Variants in PPP2R5C observed in about 807,000 individuals in gnomAD.
PPP2R5C encodes protein phosphatase 2 regulatory subunit B'gamma.
In PPP2R5C, 7 loss-of-function variants were observed where a neutral mutation model predicts 68.9. That is an observed-to-expected ratio of 0.10 (90% CI 0.06 to 0.19). The LOEUF (loss-of-function observed/expected upper bound fraction) is 0.19. PPP2R5C is among the 10% of genes least tolerant of loss of function. PPP2R5C has a pLI of 1.00. For missense variants in PPP2R5C, 348 were observed against 641.3 expected, an observed-to-expected ratio of 0.54 and a Z score of 4.94; for synonymous variants, 210 against 222.2, an observed-to-expected ratio of 0.95 and a Z score of 0.49.
intron 1 of PPP2R5C, among the ~76,000 whole-genome samples, chr14:101,837,700 C>T (rs1475820541): frequency 2.0e-5 from 3 of 152,162 alleles, no homozygotes; most frequent in Admixed American, 6.5e-5. Flanking sequence ...ACCTCTAGAA[C>T]ACGAGCACTA....
chr14:101,901,847 C>T, exon 9 of PPP2R5C: 1 of 1,614,236 alleles, frequency 6.2e-7, no homozygotes, highest in Admixed American at 1.7e-5. Flanking sequence ...TGGAACCCCT[C>T]TTCCGGCAGT....
At chr14:101,914,206 G>A (rs1231558376) in intron 12 of PPP2R5C, 1 of 456,018 alleles carries the variant, frequency 2.2e-6, no homozygotes, top group Non-Finnish European at 4.4e-6. Context: ...GAGCTTTGAC[G>A]AACTGTGATG....
chr14:101,761,122 C>T (rs968707460), upstream of PPP2R5C, among the ~76,000 whole-genome samples: 2 of 151,048 alleles, frequency 1.3e-5, no homozygotes, highest in African/African-American at 2.4e-5. Flanking sequence ...CAGCGGTGTC[C>T]CGCGAAACTG....
intron 3 of PPP2R5C, among the ~76,000 whole-genome samples, chr14:101,791,892 AT>A (rs540216113): frequency 2.6e-4 from 39 of 152,062 alleles, no homozygotes; most frequent in Middle Eastern, 3.4e-3. Context: ...TGTGTACCTG[AT>A]TTTTTTTATT....
chr14:101,809,218 C>T (rs2039205536), upstream of PPP2R5C, among the ~76,000 whole-genome samples: 2 of 151,792 alleles, frequency 1.3e-5, no homozygotes, highest in Admixed American at 6.6e-5. Context: ...ATTTATAAAG[C>T]GGCTTTCATT....
intron 2 of PPP2R5C, among the ~76,000 whole-genome samples, chr14:101,780,297 G>A (rs962825891): frequency 2.0e-5 from 3 of 152,078 alleles, no homozygotes; most frequent in African/African-American, 4.8e-5. Context: ...TCCAAATCAG[G>A]TACACACATT....
exon 9 of PPP2R5C, chr14:101,901,721 G>A: frequency 6.2e-7 from 1 of 1,613,108 alleles, no homozygotes; most frequent in Non-Finnish European, 8.5e-7. Context: ...TTTTGTAGGT[G>A]GTGATGGCAC....
chr14:101,845,896 G>T (rs147832878), intron 1 of PPP2R5C, among the ~76,000 whole-genome samples: 1 of 152,320 alleles, frequency 6.6e-6, no homozygotes, highest in East Asian at 1.9e-4. Flanking sequence ...ATCCAAACAT[G>T]TAAACGAGTG....
In PPP2R5C at chr14:101,797,269, C is replaced by T. The variant is rs1566845893; in HGVS notation, c.259+11086C>T. ...GCTCCCGTCGAAGGCTGATGCCATC[C>T]TTCAGTGATGTGTGGACGGACACAT... On this transcript the variant is annotated intron_variant, in intron 3 of 14. Transcript: ENST00000328724. The surrounding 1 kb of genome is among the most constrained non-coding windows in gnomAD (Gnocchi z 4.2). The T allele has an allele frequency of 4.4e-6, 2 of 455,994 alleles. No individual in the cohort carries two copies. Among genetic ancestry groups the T allele is most frequent in the Non-Finnish European group, 8.8e-6 (2 of 226,820 alleles). The allele number at this position is 455,994 out of a possible 1,614,324, so 28.2% of individuals were successfully genotyped here. A position where few individuals can be genotyped will look rare whatever the true frequency, so the allele number is the denominator to read the frequency against.
chr14:101,905,942 A>G (rs754084650), intron 9 of PPP2R5C, among the ~76,000 whole-genome samples: 2 of 152,158 alleles, frequency 1.3e-5, no homozygotes, highest in Non-Finnish European at 1.5e-5. Flanking sequence ...TATCGTTTCT[A>G]GTAAATTAAT....
intron 10 of PPP2R5C, 55 bp from the exon 13 acceptor site, chr14:101,909,534 C>T (rs2046269068): frequency 3.2e-6 from 4 of 1,258,116 alleles, no homozygotes; most frequent in Admixed American, 1.7e-5. Flanking sequence ...AGTGGAGAGG[C>T]GAGGGCTCAG....
Position 101,797,271 on chromosome 14 carries a change from T to C in PPP2R5C, c.259+11088T>C, listed in dbSNP as rs1481535397. The C allele has an allele frequency of 1.8e-5, 8 of 455,974 alleles. 1 individual carries two copies. The highest frequency in any genetic ancestry group is 3.2e-4 in the Middle Eastern group (1 of 3,092). The allele number at this position is 455,974 out of a possible 1,614,324, so 28.2% of individuals were successfully genotyped here. The stretch of plus-strand genomic sequence containing the variant: ...TCCCGTCGAAGGCTGATGCCATCCT[T>C]CAGTGATGTGTGGACGGACACATTC... On this transcript the variant is annotated intron_variant, in intron 3 of 14. Coordinates refer to the PPP2R5C transcript ENST00000328724. This position sits in a 1 kb window ranked among gnomAD's most constrained non-coding sequence, Gnocchi z 4.2.
At chr14:101,883,886 A>G (rs2044312418) in intron 5 of PPP2R5C, among the ~76,000 whole-genome samples, 4 of 152,230 alleles carry the variant, frequency 2.6e-5, no homozygotes, top group Admixed American at 2.6e-4. Flanking sequence ...GGTTCCATCC[A>G]GACCAACTGT....
chr14:101,778,816 T>C (rs2037543640), intron 2 of PPP2R5C, among the ~76,000 whole-genome samples: 1 of 152,214 alleles, frequency 6.6e-6, no homozygotes, highest in Admixed American at 6.5e-5. Context: ...CTAGCACTTT[T>C]GGGAGGCCAC....
chr14:101,768,704 A>C (rs1422383981), intron 2 of PPP2R5C, among the ~76,000 whole-genome samples: 2 of 152,122 alleles, frequency 1.3e-5, no homozygotes, highest in South Asian at 4.2e-4. Context: ...TTATCATAAA[A>C]ACCGTTTTGA....
chr14:101,780,481 G>C (rs1275204000), intron 2 of PPP2R5C, among the ~76,000 whole-genome samples: 2 of 152,204 alleles, frequency 1.3e-5, no homozygotes, highest in Non-Finnish European at 2.9e-5. Context: ...CGCCGCTTGG[G>C]GGGAGGGGCT....
intron 1 of PPP2R5C, among the ~76,000 whole-genome samples, chr14:101,841,577 C>T (rs1232046443): frequency 1.3e-5 from 2 of 152,194 alleles, no homozygotes; most frequent in East Asian, 1.9e-4. Context: ...CCCTGCTGAG[C>T]GGTCAGTCCT....
chr14:101,915,560 G>A lies in PPP2R5C; in HGVS notation c.1327-2271G>A, dbSNP rs1269604881. 6.6e-6 allele frequency among the ~76,000 whole-genome samples: 1 copy of A among 152,216 alleles called. No homozygotes were observed. The highest frequency in any genetic ancestry group is 1.9e-4 in the East Asian group (1 of 5,198). ...GTGGGTCCCATGAAGAGCACTGCTT[G>A]TTGCCTGGAGTAGTCAAAAGCAGAA... On this transcript the variant is annotated intron_variant, in intron 12 of 13. Coordinates refer to ENST00000334743, the Ensembl canonical transcript of PPP2R5C. This position sits in a 1 kb window ranked among gnomAD's most constrained non-coding sequence, Gnocchi z 4.2.
At chr14:101,871,090 C>T (rs2043379260) in intron 2 of PPP2R5C, among the ~76,000 whole-genome samples, 1 of 152,100 alleles carries the variant, frequency 6.6e-6, no homozygotes, top group Non-Finnish European at 1.5e-5. Context: ...TATAGCCATT[C>T]CAGCGCTCTT....
Sources: allele counts gnomAD v4.1 joint callset (sites outside exome capture counted in the v4.1 genomes callset), GRCh38; gene constraint gnomAD v4.1.1; non-coding constraint Gnocchi (gnomAD v3.1); transcripts MANE v1.5; gene names NCBI Gene and HGNC (gene_info 2026-07-23, HGNC 2026-07-21).